Variants in RAB35 observed in about 807,000 individuals in gnomAD.
RAB35 encodes the protein RAB35, member RAS oncogene family, also known as ras-related protein Rab-35.
A neutral mutation model predicts 28.9 loss-of-function variants in RAB35; 4 were observed. The observed-to-expected ratio is 0.14, with a 90% CI of 0.07 to 0.32. The LOEUF is 0.32. Ranked by LOEUF, RAB35 falls within the 10% of genes least tolerant of loss-of-function variation. The pLI, the probability that RAB35 is intolerant of heterozygous loss-of-function variation, is 1.00. For synonymous variants in RAB35, 99 were observed against 105.1 expected (o/e 0.94, Z 0.35); for missense variants, 128 against 274.0 (o/e 0.47, Z 3.76).
chr12:120,113,689 G>C (rs1367791212), intron 1 of RAB35, among the ~76,000 whole-genome samples: 2 of 152,030 alleles, frequency 1.3e-5, no homozygotes, highest in Admixed American at 6.5e-5. Flanking sequence ...ATGGTGGTGG[G>C]CACCTGTAGT....
At chr12:120,108,369 C>G (rs780934341) in intron 2 of RAB35, 48 bp downstream of exon 2, 1 of 1,554,720 alleles carries the variant, frequency 6.4e-7, no homozygotes, top group Admixed American at 1.7e-5. Flanking sequence ...GGGATGTCAA[C>G]AAACAAACAA....
At chr12:120,104,340 A>T (rs184395581) in intron 2 of RAB35, among the ~76,000 whole-genome samples, 292 of 152,286 alleles carry the variant, frequency 1.9e-3, no homozygotes, top group African/African-American at 6.7e-3. Context: ...AGTCAAAAAA[A>T]ATTTAGGGCC....
At chr12:120,097,492 T>A in intron 5 of RAB35, 119 bp from the exon 6 acceptor site, 1 of 743,636 alleles carries the variant, frequency 1.3e-6, no homozygotes, top group Non-Finnish European at 2.2e-6. Context: ...ATTTTTGGTA[T>A]GTATGTCTTC....
Position 120,099,010 on chromosome 12 carries a change from G to A in RAB35, c.352+20C>T, listed in dbSNP as rs765722266. The A allele has an allele frequency of 3.1e-5, 36 of 1,158,488 alleles. No homozygotes were observed. Among genetic ancestry groups the A allele is most frequent in the Middle Eastern group, 2.1e-4 (1 of 4,660 alleles). 71.8% of individuals were successfully genotyped at this position (1,158,488 alleles called of 1,614,324 possible). A position where few individuals can be genotyped will look rare whatever the true frequency, so the allele number is the denominator to read the frequency against. On this transcript the variant is annotated intron_variant, in intron 4 of 5. Coordinates refer to ENST00000229340, the MANE Select transcript of RAB35 (RefSeq NM_006861.7). ...CCTCTCTCCCACCCAACCCCGACCC[G>A]GCCCTGAGTGCAGCCTCACCTAATA... is the stretch of plus-strand genomic sequence containing the variant.
intron 2 of RAB35, among the ~76,000 whole-genome samples, chr12:120,106,869 G>A (rs1466199732): frequency 2.0e-5 from 3 of 151,812 alleles, no homozygotes; most frequent in Middle Eastern, 3.2e-3. Context: ...TTACAGGCGT[G>A]AGCCACCGCG....
Position 120,115,690 on chromosome 12 carries a change from A to C in RAB35, c.52+909T>G, listed in dbSNP as rs557228468. 3.3e-5 allele frequency among the ~76,000 whole-genome samples: 5 copies of C among 152,330 alleles called. No individual in the cohort carries two copies. In the East Asian group the frequency reaches 9.6e-4, roughly 29 times the overall value. On this transcript the variant is annotated intron_variant, in intron 1 of 5. Transcript: ENST00000229340. Reference sequence around the variant, plus strand: ...CTTAAGCATGTACTGGGTGCCAGGCACTGTTCTAGGCACTGGAGCTAGAGC... The same window carrying C: ...CTTAAGCATGTACTGGGTGCCAGGCCCTGTTCTAGGCACTGGAGCTAGAGC...
At chr12:120,099,238 C>G (rs7971249) in intron 3 of RAB35, 84 bp from the exon 4 acceptor site, 361,298 of 1,564,658 alleles carry the variant, frequency 0.23, 54,101 homozygotes, top group African/African-American at 0.7. Context: ...CGTCAGGACA[C>G]TGACCCGGAA....
chr12:120,110,401 G>T (rs1396207314), intron 1 of RAB35, among the ~76,000 whole-genome samples: 1 of 147,306 alleles, frequency 6.8e-6, no homozygotes, highest in Non-Finnish European at 1.5e-5. Context: ...ACAGGTGTTC[G>T]CCACCACACC....
chr12:120,100,880 G>A (rs369866418), intron 3 of RAB35, among the ~76,000 whole-genome samples: 44 of 152,326 alleles, frequency 2.9e-4, no homozygotes, highest in Admixed American at 7.8e-4. Context: ...GCGAGGGCGC[G>A]CCGGAGCCAC....
chr12:120,100,022 T>C (rs1875598219), intron 3 of RAB35, among the ~76,000 whole-genome samples: 1 of 152,132 alleles, frequency 6.6e-6, no homozygotes, highest in African/African-American at 2.4e-5. Flanking sequence ...ACCCCAGGGC[T>C]CCTCAGGACA....
At chr12:120,116,137 C>G (rs1321081622) in intron 1 of RAB35, among the ~76,000 whole-genome samples, 4 of 152,182 alleles carry the variant, frequency 2.6e-5, no homozygotes, top group Non-Finnish European at 5.9e-5. Flanking sequence ...ACATTTACTT[C>G]GAGCTTACTT....
intron 2 of RAB35, among the ~76,000 whole-genome samples, chr12:120,104,659 G>T (rs781312422): frequency 3.9e-5 from 6 of 152,158 alleles, no homozygotes; most frequent in Non-Finnish European, 8.8e-5. Context: ...TTTTGGTGGG[G>T]GGGGGACAGC....
chr12:120,114,261 T>A (rs1876240458), intron 1 of RAB35, among the ~76,000 whole-genome samples: 1 of 152,184 alleles, frequency 6.6e-6, no homozygotes, highest in African/African-American at 2.4e-5. Flanking sequence ...GCCCGGCTAC[T>A]TTTGTATTTT....
At chr12:120,104,383 C>T (rs1013585307) in intron 2 of RAB35, among the ~76,000 whole-genome samples, 1 of 152,136 alleles carries the variant, frequency 6.6e-6, no homozygotes, top group African/African-American at 2.4e-5. Flanking sequence ...ACAAATAGGT[C>T]ATGAGCTGCA....
At chr12:120,106,422 T>G (rs1438637113) in intron 2 of RAB35, among the ~76,000 whole-genome samples, 1 of 152,134 alleles carries the variant, frequency 6.6e-6, no homozygotes, top group Non-Finnish European at 1.5e-5. Context: ...ACTTTACACA[T>G]GAACTGAGGC....
intron 5 of RAB35, among the ~76,000 whole-genome samples, chr12:120,098,410 T>C (rs747327763): frequency 6.6e-6 from 1 of 152,262 alleles, no homozygotes; most frequent in African/African-American, 2.4e-5. Flanking sequence ...GTGTGGCCCC[T>C]GTGCCCTGAA....
At position 120,098,774 on chromosome 12, in the gene RAB35, G is replaced by A. The variant is rs373916917; in HGVS notation, c.477+37C>T. 8.7e-5 allele frequency: 140 copies of A among 1,612,116 alleles called. No individual in the cohort carries two copies. The African/African-American group carries it at 1.0e-3, about 12-fold the overall frequency. On this transcript the variant is annotated intron_variant, in intron 5 of 5. Coordinates refer to ENST00000229340, the MANE Select transcript of RAB35 (RefSeq NM_006861.7). The stretch of plus-strand genomic sequence containing the variant: ...CCAGCAGCATGGAGAAGGCGGCCAC[G>A]GGTGTGTGGCAGAGCCACAGTGGCC...
Position 120,096,516 on chromosome 12 carries a change from C to T in RAB35, c.*729G>A. On this transcript the variant is annotated 3_prime_UTR_variant, in exon 6 of 6. Transcript: ENST00000229340. ...AAACCTGTTGGTGTAAATGAGAAGC[C>T]ATGGCTGCCCTGGGTTTGGAGCTCA... The T allele has an allele frequency of 1.6e-6, 2 of 1,289,806 alleles. No individual in the cohort carries two copies. The highest frequency in any genetic ancestry group is 2.5e-5 in the South Asian group (2 of 81,032). 79.9% of individuals were successfully genotyped at this position (1,289,806 alleles called of 1,614,324 possible).
intron 1 of RAB35, among the ~76,000 whole-genome samples, chr12:120,109,676 T>TA (rs1876034933): frequency 6.7e-6 from 1 of 149,260 alleles, no homozygotes; most frequent in Admixed American, 6.7e-5. Context: ...TTTTTTTTTT[T>TA]AATCTTTTGT....
Sources: gnomAD v4.1 joint callset for allele counts (sites outside exome capture counted in the v4.1 genomes callset) on GRCh38, gnomAD v4.1.1 for gene constraint, MANE v1.5 for transcripts, NCBI Gene and HGNC (gene_info 2026-07-23, HGNC 2026-07-21) for gene names.